The following IGSF9 variants were observed in gnomAD, a reference collection of about 807,000 sequenced individuals.
The protein encoded by IGSF9 is immunoglobulin superfamily member 9.
A neutral mutation model predicts 121.7 loss-of-function variants in IGSF9; 87 were observed. The ratio of observed to expected loss-of-function variants is 0.71; its 90% CI spans 0.60 to 0.85. IGSF9 has a LOEUF of 0.85. IGSF9 is among the 40% of genes least tolerant of loss of function. The pLI is 0.00. For missense variants in IGSF9, 1,462 were observed against 1,565.3 expected, an observed-to-expected ratio of 0.93 and a Z score of 1.11; for synonymous variants, 640 against 648.4, an observed-to-expected ratio of 0.99 and a Z score of 0.20.
Position 159,937,834 on chromosome 1 carries a change from T to A in IGSF9, c.252A>T (p.Arg84=). ...GAGAGGCCCCCTTCTGCAGCCGGAC[T>A]CGTCCTGGGGGAGGAGCCCTGAATC... The part of the protein sequence containing the change: ...SPRIDPDYVG[R]VRLQKGASLQ... Residue 84 remains arginine, a synonymous_variant, in exon 4 of 21, where the codon CGA becomes CGT. Transcript: ENST00000368094. The A allele has an allele frequency of 6.2e-7, 1 of 1,613,478 alleles. No homozygotes were observed. The highest frequency in any genetic ancestry group is 8.5e-7 in the Non-Finnish European group (1 of 1,179,686).
intron 6 of IGSF9, 23 bp from the exon 7 acceptor site, chr1:159,934,845 A>C (rs893183986): frequency 2.5e-6 from 4 of 1,613,324 alleles, no homozygotes; most frequent in Non-Finnish European, 3.4e-6. Flanking sequence ...CAAGGGGAGG[A>C]AGGTGGCCTC....
chr1:159,937,672 C>A lies in IGSF9; in HGVS notation c.400+14G>T, dbSNP rs147360922. On this transcript the variant is annotated intron_variant, in intron 4 of 20. Transcript: ENST00000368094. ...TCCCCGTCCTTCTCCACCACCTGCC[C>A]CCCAGCTTCATACAATTGACTGTCA... The A allele has an allele frequency of 6.3e-4, 1,019 of 1,609,100 alleles. 13 individuals carry two copies. The East Asian group carries it at 0.02, about 32-fold the overall frequency.
intron 1 of IGSF9, among the ~76,000 whole-genome samples, chr1:159,944,295 A>G (rs1651514334): frequency 6.6e-6 from 1 of 152,084 alleles, no homozygotes; most frequent in Non-Finnish European, 1.5e-5. Context: ...GTCTCCCTAC[A>G]CTGCTTTGGC....
chr1:159,934,303 C>T lies in IGSF9; in HGVS notation c.991G>A (p.Glu331Lys). 6.2e-7 allele frequency: 1 copy of T among 1,607,944 alleles called. No homozygotes were observed. Among genetic ancestry groups the T allele is most frequent in the Admixed American group, 1.7e-5 (1 of 59,254 alleles). ...YPAQVTAMPPETPLPIGMPGV... is the reference protein window; with the variant it reads ...YPAQVTAMPPKTPLPIGMPGV... ...GGCATGCCTATGGGCAGGGGTGTCT[C>T]AGGAGGCATAGCTGTCACCTGGGCT... Residue 331 changes from glutamate to lysine, a missense_variant, in exon 9 of 21, where the codon GAG becomes AAG. This residue lies in a region of IGSF9 where 558 missense variants were observed against 599.4 expected (regional missense o/e 0.93). Transcript: ENST00000368094.
rs750300572 is a variant in IGSF9 at position 159,943,422 on chromosome 1, G to A, written c.33C>T (p.Ser11=). Residue 11 remains serine (S), a synonymous_variant, in exon 2 of 21, where the codon AGC becomes AGT. Coordinates refer to ENST00000368094, the MANE Select transcript of IGSF9 (RefSeq NM_001135050.2). MVWCLGLAVL[S]LVISQGADGR... is the part of the protein sequence containing the mutation. ...CGTCAGCCCCCTGGCTGATGACCAG[G>A]CTGAGGACGGCCAGGCCGAGGCACC... 2 of 1,589,242 alleles carry A rather than the reference G, an allele frequency of 1.3e-6. No homozygotes were observed. Among genetic ancestry groups the A allele is most frequent in the East Asian group, 2.3e-5 (1 of 44,084 alleles).
At position 159,929,780 on chromosome 1, in the gene IGSF9, C is replaced by T. The variant is rs371742152; in HGVS notation, c.2184G>A (p.Pro728=). 4 of 1,606,216 alleles carry T rather than the reference C, an allele frequency of 2.5e-6. No homozygotes were observed. The African/African-American group carries it at 4.0e-5, about 16-fold the overall frequency. The change falls in exon 17 of 21, where the codon CCG becomes CCA. Residue 728 remains proline, a synonymous_variant. Coordinates refer to ENST00000368094, the MANE Select transcript of IGSF9 (RefSeq NM_001135050.2). ...CCAGCACGGGCTGAGGCAGGAGGCC[C>T]GGCAGCTGCGTGCGCGAAGGGTAGA... is the stretch of plus-strand genomic sequence containing the variant. ...LEVYPSRTQL[P]GLLPQPVLAG...
rs952182646 is a variant in IGSF9 at position 159,929,221 on chromosome 1, T to G, written c.2369+130A>C. The G allele has an allele frequency of 2.2e-6, 3 of 1,353,854 alleles. No individual in the cohort carries two copies. The African/African-American group carries it at 4.3e-5, about 19-fold the overall frequency. The allele number at this position is 1,353,854 out of a possible 1,614,324, so 83.9% of individuals were successfully genotyped here. ...GGCTGGGGCCACTGCACACCCCTTCTTACCCTCTCCCACTTTTGTTCCTCC... is the reference window on the plus strand; with the variant it reads ...GGCTGGGGCCACTGCACACCCCTTCGTACCCTCTCCCACTTTTGTTCCTCC... On this transcript the variant is annotated intron_variant, in intron 18 of 20. Transcript: ENST00000368094.
chr1:159,942,842 G>GCA, intron 3 of IGSF9, 121 bp downstream of exon 3: 1 of 754,304 alleles, frequency 1.3e-6, no homozygotes, highest in Non-Finnish European at 2.2e-6. Flanking sequence ...AGTTAAGGCA[G>GCA]CAGAGCTGGA....
rs371742152 is a variant in IGSF9, at chr1:159,929,780, C to G, written c.2184G>C (p.Pro728=). The G allele has an allele frequency of 1.2e-6, 2 of 1,606,216 alleles. No individual in the cohort carries two copies. Among genetic ancestry groups the G allele is most frequent in the Non-Finnish European group, 1.7e-6 (2 of 1,177,136 alleles). ...LEVYPSRTQL[P]GLLPQPVLAG... ...CCAGCACGGGCTGAGGCAGGAGGCC[C>G]GGCAGCTGCGTGCGCGAAGGGTAGA... Residue 728 remains proline (P), a synonymous_variant, in exon 17 of 21, where the codon CCG becomes CCC. Coordinates refer to ENST00000368094, the MANE Select transcript of IGSF9 (RefSeq NM_001135050.2).
chr1:159,931,630 G>A lies in IGSF9; in HGVS notation c.1363-27C>T, dbSNP rs1415511011. On this transcript the variant is annotated intron_variant, in intron 11 of 20. Transcript: ENST00000368094. This position sits in a 1 kb window ranked among gnomAD's most constrained non-coding sequence, Gnocchi z 4.8. ...TACAGAACCACTGGTGAGCCCTGAG[G>A]ACACACGCAGCCACCCCTCACCAAA... 6.2e-7 allele frequency: 1 copy of A among 1,605,814 alleles called. No individual in the cohort carries two copies.
intron 1 of IGSF9, among the ~76,000 whole-genome samples, chr1:159,944,748 C>A (rs1651529635): frequency 6.6e-6 from 1 of 152,128 alleles, no homozygotes. Flanking sequence ...CTCTTGGCCG[C>A]AAAGTTCAGG....
rs992881499 is a variant in IGSF9 at position 159,931,955 on chromosome 1, G to A, written c.1246-27C>T. The A allele has an allele frequency of 7.6e-6, 11 of 1,450,096 alleles. No individual in the cohort carries two copies. In the Admixed American group the frequency reaches 1.2e-4, roughly 16 times the overall value. The allele number at this position is 1,450,096 out of a possible 1,614,324, so 89.8% of individuals were successfully genotyped here. A position where few individuals can be genotyped will look rare whatever the true frequency, so the allele number is the denominator to read the frequency against. On this transcript the variant is annotated intron_variant, in intron 10 of 20. Coordinates refer to ENST00000368094, the MANE Select transcript of IGSF9 (RefSeq NM_001135050.2). This position sits in a 1 kb window ranked among gnomAD's most constrained non-coding sequence, Gnocchi z 4.8. ...TGCAAGCCAGATCTGGCATTGGGAG[G>A]GGCCCTCTCTTACATCTAAGGCTGG...
At chr1:159,930,653 A>G (rs1424359773) in intron 14 of IGSF9, 39 bp downstream of exon 14, 2 of 1,611,928 alleles carry the variant, frequency 1.2e-6, no homozygotes, top group Non-Finnish European at 1.7e-6. Context: ...GCCCTTCCCC[A>G]TCCTTGTCTC....
At position 159,932,624 on chromosome 1, in the gene IGSF9, C is replaced by T. The variant is rs145285329; in HGVS notation, c.1133G>A (p.Gly378Asp). The T allele has an allele frequency of 3.1e-6, 5 of 1,613,226 alleles. No individual in the cohort carries two copies. The highest frequency in any genetic ancestry group is 4.2e-6 in the Non-Finnish European group (5 of 1,179,390). Residue 378 changes from glycine to aspartate, a missense_variant, in exon 10 of 21, where the codon GGC (glycine) becomes GAC (aspartate). Coordinates refer to ENST00000368094, the MANE Select transcript of IGSF9 (RefSeq NM_001135050.2). The surrounding 1 kb of genome is among the most constrained non-coding windows in gnomAD (Gnocchi z 4.1). Reference protein sequence around the residue: ...KFPGWSQGTEGSLIIALGNED... With the variant: ...KFPGWSQGTEDSLIIALGNED... ...GTTCCCCAGGGCGATGATCAGTGAG[C>T]CTTCTGTGCCCTGGGACCAGCCAGG...
In IGSF9 at chr1:159,927,665, G is replaced by A. The variant is rs181891871; in HGVS notation, c.3358+95C>T. ...CAGTCTAGAGCAGAGGAGCCTGGGA[G>A]GCAGGGCCTGACTGGGAATAGATGG... On this transcript the variant is annotated intron_variant, in intron 20 of 20. Transcript: ENST00000368094. The A allele has an allele frequency of 8.4e-6, 13 of 1,550,134 alleles. No homozygotes were observed. In the African/African-American group the frequency reaches 1.5e-4, roughly 18 times the overall value.
In IGSF9 at chr1:159,932,761, A is replaced by C; in HGVS notation, c.1105-109T>G. The C allele has an allele frequency of 2.8e-6, 3 of 1,088,214 alleles. No individual in the cohort carries two copies. The highest frequency in any genetic ancestry group is 3.9e-6 in the Non-Finnish European group (3 of 774,646). The allele number at this position is 1,088,214 out of a possible 1,614,324, so 67.4% of individuals were successfully genotyped here. A position where few individuals can be genotyped will look rare whatever the true frequency, so the allele number is the denominator to read the frequency against. Reference sequence around the variant, plus strand: ...TGAGAAACCCACAGCTGTGCAGAAGACTCCAGCAGCTCCATGTCTAGGCCT... The same window carrying C: ...TGAGAAACCCACAGCTGTGCAGAAGCCTCCAGCAGCTCCATGTCTAGGCCT... On this transcript the variant is annotated intron_variant, in intron 9 of 20. Coordinates refer to ENST00000368094, the MANE Select transcript of IGSF9 (RefSeq NM_001135050.2). The surrounding 1 kb of genome is among the most constrained non-coding windows in gnomAD (Gnocchi z 4.1).
chr1:159,929,530 G>A, intron 17 of IGSF9, 108 bp downstream of exon 17: 1 of 1,474,118 alleles, frequency 6.8e-7, no homozygotes, highest in South Asian at 1.3e-5. Flanking sequence ...AGGACTAAGA[G>A]AATGCACCTG....
At position 159,929,972 on chromosome 1, in the gene IGSF9, C is replaced by T. The variant is rs1485401835; in HGVS notation, c.2068G>A (p.Val690Ile). The T allele has an allele frequency of 6.3e-7, 1 of 1,590,560 alleles. No homozygotes were observed. Among genetic ancestry groups the T allele is most frequent in the South Asian group, 1.1e-5 (1 of 89,002 alleles). ...GCCACGAGGCGGAACTCGTAGAGAA[C>T]ATCCTGCGATGGGGATGGGGTACCA... is the stretch of plus-strand genomic sequence containing the variant. ...ELLVPGLIKD[V>I]LYEFRLVAFA... is the part of the protein sequence containing the mutation. The change falls in exon 16 of 21, where the codon GTT becomes ATT. Residue 690 changes from valine (V) to isoleucine (I), a missense_variant. Transcript: ENST00000368094.
chr1:159,927,377 C>T lies in IGSF9; in HGVS notation c.3508G>A (p.Val1170Ile), dbSNP rs774480054. The part of the protein sequence containing the change: ...RARLPAYRQP[V>I]PHPEQATLL The stretch of plus-strand genomic sequence containing the variant: ...AGAGTGGCCTGTTCGGGGTGGGGGA[C>T]TGGCTGTCGATAGGCTGGTAGCCGA... Residue 1170 changes from valine (V) to isoleucine (I), a missense_variant, in exon 21 of 21, where the codon GTC becomes ATC. This residue lies in a region of IGSF9 where 808 missense variants were observed against 815.2 expected (regional missense o/e 0.99). Transcript: ENST00000368094. 2 of 1,613,806 alleles carry T rather than the reference C, an allele frequency of 1.2e-6. No homozygotes were observed. Among genetic ancestry groups the T allele is most frequent in the East Asian group, 4.5e-5 (2 of 44,880 alleles).
Sources: allele counts gnomAD v4.1 joint callset (sites outside exome capture counted in the v4.1 genomes callset), GRCh38; gene constraint gnomAD v4.1.1; regional missense constraint gnomAD v4.1.1; non-coding constraint Gnocchi (gnomAD v3.1); transcripts MANE v1.5; gene names NCBI Gene and HGNC (gene_info 2026-07-23, HGNC 2026-07-21).